GRID1: variants seen among roughly 807,000 people sequenced by gnomAD.
GRID1 encodes glutamate ionotropic receptor delta type subunit 1.
In GRID1, 28 loss-of-function variants were observed where a neutral mutation model predicts 98.0. The ratio of observed to expected loss-of-function variants is 0.29; its 90% confidence interval spans 0.21 to 0.39. The LOEUF (loss-of-function observed/expected upper bound fraction) is 0.39, where lower values mean the gene tolerates loss of function less well. GRID1 is among the 10% of genes least tolerant of loss of function. The pLI is 1.00. For synonymous variants in GRID1, 553 were observed against 538.5 expected, an observed-to-expected ratio of 1.03 and a Z score of -0.37; for missense variants, 1,111 against 1,340.5, an observed-to-expected ratio of 0.83 and a Z score of 2.67.
intron 2 of GRID1, among the ~76,000 whole-genome samples, chr10:86,231,008 C>A (rs1020884403): frequency 6.6e-6 from 1 of 152,208 alleles, no homozygotes; most frequent in Non-Finnish European, 1.5e-5. Context: ...TCCCGAGGAC[C>A]AGGCCTCTCA....
intron 8 of GRID1, among the ~76,000 whole-genome samples, chr10:85,849,872 GGCCAGAGTAAA>G (rs1448445474): frequency 6.6e-6 from 1 of 152,104 alleles, no homozygotes; most frequent in Non-Finnish European, 1.5e-5. Flanking sequence ...GACTTTGTAG[GGCCAGAGTAAA>G]GCTTGACCCC....
intron 8 of GRID1, among the ~76,000 whole-genome samples, chr10:85,737,642 C>T: frequency 2.8e-5 from 1 of 35,400 alleles, no homozygotes; most frequent in Admixed American, 3.1e-4. Context: ...AACAGTAAAG[C>T]CAGATATATA....
intron 4 of GRID1, among the ~76,000 whole-genome samples, chr10:86,070,190 C>T (rs575839868): frequency 4.6e-5 from 7 of 152,290 alleles, no homozygotes; most frequent in African/African-American, 1.2e-4. Flanking sequence ...AGCTTGGAAG[C>T]GTTTCTGGAA....
chr10:86,177,069 C>T (rs1035366865), intron 3 of GRID1, among the ~76,000 whole-genome samples: 3 of 151,828 alleles, frequency 2.0e-5, no homozygotes, highest in African/African-American at 4.8e-5. Context: ...TGGTGCCCTT[C>T]GCCCCCACCC....
chr10:85,932,921 A>C (rs1214421722), intron 4 of GRID1, among the ~76,000 whole-genome samples: 1 of 152,230 alleles, frequency 6.6e-6, no homozygotes, highest in Non-Finnish European at 1.5e-5. Flanking sequence ...AAACTAGCTG[A>C]GAACCCAAAC....
chr10:85,921,851 C>T (rs142785670), intron 4 of GRID1, among the ~76,000 whole-genome samples: 4 of 152,264 alleles, frequency 2.6e-5, no homozygotes, highest in Non-Finnish European at 5.9e-5. Context: ...TTTCCAAGGG[C>T]GACGAGAGCT....
rs1156384223 is a variant in GRID1, at chr10:85,820,027, AAGGCAGGCAGGC to A, written c.1233+34457_1233+34468del. Among the ~76,000 whole-genome samples the A allele has an allele frequency of 2.8e-3, 186 of 66,482 alleles. 1 individual carries two copies. Among genetic ancestry groups the A allele is most frequent in the Non-Finnish European group, 3.5e-3 (123 of 35,460 alleles). 43.6% of individuals were successfully genotyped at this position (66,482 alleles called of 152,430 possible). A position where few individuals can be genotyped will look rare whatever the true frequency, so the allele number is the denominator to read the frequency against. ...GAAGGAAGGAAGGAAGGAAGGAAGG[AAGGCAGGCAGGC>A]AGGCAGGCAGGCAGGCAGGCAGGCA... On this transcript the variant is annotated intron_variant, in intron 8 of 15. Coordinates refer to ENST00000327946, the MANE Select transcript of GRID1 (RefSeq NM_017551.3).
At chr10:86,305,290 C>T (rs1011067976) in intron 2 of GRID1, among the ~76,000 whole-genome samples, 9 of 152,198 alleles carry the variant, frequency 5.9e-5, no homozygotes, top group Admixed American at 3.9e-4. Context: ...CCTCCCTCAA[C>T]TTCCCATCAT....
intron 3 of GRID1, among the ~76,000 whole-genome samples, chr10:86,177,438 T>TG (rs752924835): frequency 2.7e-5 from 4 of 150,866 alleles, no homozygotes; most frequent in Admixed American, 6.6e-5. Flanking sequence ...AGACTGTGTA[T>TG]GGGGGGGTGG....
chr10:86,265,712 G>A, intron 2 of GRID1, among the ~76,000 whole-genome samples: 1 of 152,224 alleles, frequency 6.6e-6, no homozygotes, highest in South Asian at 2.1e-4. Context: ...TCTTCCTTCA[G>A]TGCCACTAAC....
At chr10:85,900,192 A>G (rs992229418) in intron 5 of GRID1, among the ~76,000 whole-genome samples, 1 of 152,136 alleles carries the variant, frequency 6.6e-6, no homozygotes, top group Non-Finnish European at 1.5e-5. Flanking sequence ...GGGGCCTGTA[A>G]TTTCCCATGC....
At chr10:86,053,525 A>AT (rs532658336) in intron 4 of GRID1, among the ~76,000 whole-genome samples, 2 of 150,898 alleles carry the variant, frequency 1.3e-5, no homozygotes, top group African/African-American at 4.9e-5. Flanking sequence ...TGCCTGGCTA[A>AT]TTTTTTTTGT....
At chr10:86,116,479 T>C (rs1447940478) in intron 4 of GRID1, among the ~76,000 whole-genome samples, 1 of 151,958 alleles carries the variant, frequency 6.6e-6, no homozygotes, top group African/African-American at 2.4e-5. Flanking sequence ...GCTGGAAGGA[T>C]CAGGTGGCCA....
chr10:86,079,713 C>T (rs1843937345), intron 4 of GRID1, among the ~76,000 whole-genome samples: 1 of 152,166 alleles, frequency 6.6e-6, no homozygotes, highest in South Asian at 2.1e-4. Flanking sequence ...AAAGCACCTC[C>T]ATCATGCGGC....
At chr10:85,625,755 T>C (rs572661361) in intron 13 of GRID1, among the ~76,000 whole-genome samples, 2 of 152,350 alleles carry the variant, frequency 1.3e-5, no homozygotes, top group South Asian at 2.1e-4. Flanking sequence ...CAGAATATGA[T>C]TGGCCTCTAT....
Position 86,355,206 on chromosome 10 carries a change from G to C in GRID1, c.235+8735C>G, listed in dbSNP as rs181555089. 1.7e-3 allele frequency among the ~76,000 whole-genome samples: 258 copies of C among 152,368 alleles called. 1 individual carries two copies. The highest frequency in any genetic ancestry group is 2.5e-3 in the Non-Finnish European group (169 of 68,028). ...CAGGGAAACCGAGGTTGCCCACCCA[G>C]AGTCAGAAAGCAGAGCAGGGGTGGG... On this transcript the variant is annotated intron_variant, in intron 2 of 15. Coordinates refer to ENST00000327946, the MANE Select transcript of GRID1 (RefSeq NM_017551.3).
chr10:85,811,720 A>G (rs1184874178), intron 8 of GRID1, among the ~76,000 whole-genome samples: 6 of 152,168 alleles, frequency 3.9e-5, no homozygotes, highest in Non-Finnish European at 8.8e-5. Flanking sequence ...CATTAAGTGA[A>G]TAACTATTTG....
chr10:85,955,652 G>A (rs563226524), intron 4 of GRID1, among the ~76,000 whole-genome samples: 33 of 152,288 alleles, frequency 2.2e-4, no homozygotes, highest in African/African-American at 7.9e-4. Flanking sequence ...GGGTTCAATG[G>A]GTCAGAAAGG....
chr10:86,293,185 T>C (rs187460162), intron 2 of GRID1, among the ~76,000 whole-genome samples: 3 of 152,192 alleles, frequency 2.0e-5, no homozygotes, highest in Non-Finnish European at 4.4e-5. Context: ...AGCTCCAACC[T>C]TTCCCAGCTT....
Sources: allele counts gnomAD v4.1 joint callset (sites outside exome capture counted in the v4.1 genomes callset), GRCh38; gene constraint gnomAD v4.1.1; transcripts MANE v1.5; gene names NCBI Gene and HGNC (gene_info 2026-07-23, HGNC 2026-07-21).